The following TMEM117 variants were observed in gnomAD, a reference collection of about 807,000 sequenced individuals.
The protein encoded by TMEM117 is transmembrane protein 117.
TMEM117 carries 27 observed loss-of-function variants against 52.4 expected under a neutral mutation model. The ratio of observed to expected loss-of-function variants is 0.51; its 90% CI spans 0.38 to 0.71. The LOEUF (loss-of-function observed/expected upper bound fraction) is 0.71. Among genes scored for constraint, TMEM117 ranks in the 30% least tolerant of loss-of-function variants. The probability of loss-of-function intolerance (pLI) is 0.00; values close to 1 mark genes in which losing one functional copy is unlikely to be tolerated. For missense variants in TMEM117, 556 were observed against 630.5 expected (o/e 0.88, Z 1.26); for synonymous variants, 215 against 206.3 (o/e 1.04, Z -0.36).
At chr12:43,949,093 C>T (rs944996811) in intron 3 of TMEM117, among the ~76,000 whole-genome samples, 31 of 152,150 alleles carry the variant, frequency 2.0e-4, no homozygotes, top group Non-Finnish European at 2.9e-4. Flanking sequence ...GCACTGAATC[C>T]ATCGGATCTG....
At chr12:44,271,167 A>G (rs1411227374) in intron 5 of TMEM117, among the ~76,000 whole-genome samples, 2 of 151,998 alleles carry the variant, frequency 1.3e-5, no homozygotes, top group African/African-American at 4.8e-5. Context: ...TGGTATTAAG[A>G]TGATACTGGC....
intron 3 of TMEM117, among the ~76,000 whole-genome samples, chr12:43,993,436 T>C (rs1309098703): frequency 2.6e-5 from 4 of 152,186 alleles, no homozygotes; most frequent in Non-Finnish European, 5.9e-5. Flanking sequence ...CTTAACTCTT[T>C]CAAGGGACAG....
At chr12:43,837,846 G>A (rs1228711399) in intron 1 of TMEM117, among the ~76,000 whole-genome samples, 4 of 152,104 alleles carry the variant, frequency 2.6e-5, no homozygotes, top group Admixed American at 6.5e-5. Context: ...CATTGATTAA[G>A]CAATTTGTTT....
chr12:44,364,291 A>C (rs899704417), intron 6 of TMEM117, among the ~76,000 whole-genome samples: 1 of 152,114 alleles, frequency 6.6e-6, no homozygotes, highest in African/African-American at 2.4e-5. Context: ...ATGAGTAAAA[A>C]TTTTATGAGA....
intron 3 of TMEM117, among the ~76,000 whole-genome samples, chr12:44,012,066 A>G (rs1946300581): frequency 6.6e-6 from 1 of 152,216 alleles, no homozygotes; most frequent in Non-Finnish European, 1.5e-5. Context: ...GGCAACTGAA[A>G]TCGTGGAAAG....
At chr12:44,055,353 T>C (rs1459586755) in intron 3 of TMEM117, among the ~76,000 whole-genome samples, 3 of 152,218 alleles carry the variant, frequency 2.0e-5, no homozygotes, top group Admixed American at 2.0e-4. Context: ...AAAAAACATG[T>C]AGCTGTTGGA....
chr12:44,228,422 G>A (rs563306321), intron 5 of TMEM117, among the ~76,000 whole-genome samples: 10 of 152,166 alleles, frequency 6.6e-5, no homozygotes, highest in South Asian at 4.1e-4. Context: ...TTGAGGTATC[G>A]AACATATGTG....
chr12:44,309,255 A>G (rs17094419), intron 6 of TMEM117, among the ~76,000 whole-genome samples: 4,470 of 152,260 alleles, frequency 0.029, 82 homozygotes, highest in Middle Eastern at 0.048. Flanking sequence ...TAATTTGCCT[A>G]AGGTCATAAA....
chr12:43,861,093 T>C (rs1339217128), intron 2 of TMEM117, among the ~76,000 whole-genome samples: 2 of 152,214 alleles, frequency 1.3e-5, no homozygotes, highest in African/African-American at 4.8e-5. Flanking sequence ...GAGATTCTTC[T>C]CTGTGCCTGT....
At chr12:44,134,784 C>T (rs970735590) in intron 3 of TMEM117, among the ~76,000 whole-genome samples, 1 of 151,826 alleles carries the variant, frequency 6.6e-6, no homozygotes, top group African/African-American at 2.4e-5. Context: ...ACCCTCTTTC[C>T]TGGGTGAATA....
intron 3 of TMEM117, among the ~76,000 whole-genome samples, chr12:44,060,042 C>T (rs898352921): frequency 3.9e-5 from 6 of 152,126 alleles, no homozygotes; most frequent in South Asian, 4.1e-4. Flanking sequence ...CAAGTATCAT[C>T]GAATGATTTC....
intron 3 of TMEM117, among the ~76,000 whole-genome samples, chr12:43,954,557 T>G (rs1364092032): frequency 9.9e-5 from 15 of 152,088 alleles, no homozygotes; most frequent in Non-Finnish European, 2.2e-4. Context: ...AAGAAATGGA[T>G]AAATTCCTGG....
intron 5 of TMEM117, among the ~76,000 whole-genome samples, chr12:44,267,214 G>A (rs1950389013): frequency 2.0e-5 from 3 of 151,768 alleles, no homozygotes; most frequent in Non-Finnish European, 4.4e-5. Context: ...AATTTTCCGT[G>A]TATGGGCCTT....
At chr12:44,391,934 TC>T (rs1952163726), downstream of TMEM117, among the ~76,000 whole-genome samples, 1 of 152,138 alleles carries the variant, frequency 6.6e-6, no homozygotes, top group Non-Finnish European at 1.5e-5. Flanking sequence ...GCTTTGTCCC[TC>T]AGAACCCAAC....
intron 2 of TMEM117, among the ~76,000 whole-genome samples, chr12:43,893,321 T>G (rs1166499899): frequency 6.6e-6 from 1 of 152,186 alleles, no homozygotes; most frequent in African/African-American, 2.4e-5. Context: ...TCTTAAGACA[T>G]CATGGAGGCT....
At chr12:44,114,705 C>T (rs912102919) in intron 3 of TMEM117, among the ~76,000 whole-genome samples, 1 of 152,184 alleles carries the variant, frequency 6.6e-6, no homozygotes, top group African/African-American at 2.4e-5. Flanking sequence ...AAGAATCTCT[C>T]TGAGCATCAG....
At chr12:43,887,091 C>T (rs751270791) in intron 2 of TMEM117, among the ~76,000 whole-genome samples, 3 of 152,106 alleles carry the variant, frequency 2.0e-5, no homozygotes, top group East Asian at 1.9e-4. Context: ...TCAAGTGACC[C>T]GCCCTCCTAG....
chr12:44,193,713 C>T (rs1346816816), intron 4 of TMEM117, among the ~76,000 whole-genome samples: 4 of 152,172 alleles, frequency 2.6e-5, no homozygotes, highest in African/African-American at 2.4e-5. Context: ...ATATTCTGTT[C>T]CTCAAGTGAG....
At chr12:44,294,462 A>T (rs1950743098) in intron 5 of TMEM117, among the ~76,000 whole-genome samples, 1 of 152,234 alleles carries the variant, frequency 6.6e-6, no homozygotes, top group South Asian at 2.1e-4. Flanking sequence ...GAAGTGCAAC[A>T]GCAAATGGAA....
Sources: allele counts gnomAD v4.1 joint callset (sites outside exome capture counted in the v4.1 genomes callset), GRCh38; gene constraint gnomAD v4.1.1; transcripts MANE v1.5; gene names NCBI Gene and HGNC (gene_info 2026-07-23, HGNC 2026-07-21).